The following RAB6B variants were observed in gnomAD, a reference collection of about 807,000 sequenced individuals.
RAB6B encodes ras-related protein Rab-6B.
A neutral mutation model predicts 31.2 loss-of-function variants in RAB6B; 7 were observed. The observed-to-expected ratio is 0.22, with a 90% CI of 0.13 to 0.42. RAB6B has a LOEUF of 0.42. Among genes scored for constraint, RAB6B ranks in the 10% least tolerant of loss-of-function variants. RAB6B has a pLI of 1.00. For synonymous variants in RAB6B, 105 were observed against 104.9 expected (o/e 1.00, Z -0.01); for missense variants, 149 against 280.6 (o/e 0.53, Z 3.35).
At chr3:133,883,351 C>T (rs1949881) in intron 1 of RAB6B, among the ~76,000 whole-genome samples, 53,443 of 152,092 alleles carry the variant, frequency 0.35, 9,696 homozygotes, top group African/African-American at 0.43. Flanking sequence ...TTGTCCTCCA[C>T]ACAAACACAG....
chr3:133,833,559 C>T (rs141535895), intron 7 of RAB6B, among the ~76,000 whole-genome samples: 14 of 152,292 alleles, frequency 9.2e-5, no homozygotes, highest in Non-Finnish European at 1.8e-4. Flanking sequence ...GTGTCCTGCC[C>T]GCCCTGCCCC....
At chr3:133,858,102 G>A (rs766159171) in intron 2 of RAB6B, among the ~76,000 whole-genome samples, 79 of 152,122 alleles carry the variant, frequency 5.2e-4, no homozygotes, top group Admixed American at 3.4e-3. Context: ...CCTCCATGGC[G>A]CACCCTTCCT....
chr3:133,868,277 A>G (rs1453972752), intron 1 of RAB6B, among the ~76,000 whole-genome samples: 1 of 152,178 alleles, frequency 6.6e-6, no homozygotes, highest in Non-Finnish European at 1.5e-5. Context: ...CTACCTGGCT[A>G]CTTTCTCAGT....
intron 7 of RAB6B, among the ~76,000 whole-genome samples, chr3:133,833,746 G>T (rs1418965664): frequency 6.6e-6 from 1 of 152,156 alleles, no homozygotes; most frequent in East Asian, 1.9e-4. Flanking sequence ...GTAGGGACAG[G>T]TCCACTGTAA....
Position 133,827,653 on chromosome 3 carries a change from C to T in RAB6B, c.*1135G>A. 1.8e-6 allele frequency: 1 copy of T among 546,034 alleles called. No individual in the cohort carries two copies. Among genetic ancestry groups the T allele is most frequent in the Admixed American group, 3.2e-5 (1 of 31,336 alleles). The allele number at this position is 546,034 out of a possible 1,614,324, so 33.8% of individuals were successfully genotyped here. On this transcript the variant is annotated 3_prime_UTR_variant, in exon 8 of 8. Coordinates refer to ENST00000285208, the MANE Select transcript of RAB6B (RefSeq NM_016577.4). ...CCATGCCACTGGGGTGAAAACATAG[C>T]AACAAATCAGCTTTTCCAGAAAGCA...
At chr3:133,841,720 A>G in intron 2 of RAB6B, 57 bp from the exon 3 acceptor site, 2 of 1,574,738 alleles carry the variant, frequency 1.3e-6, no homozygotes, top group Non-Finnish European at 1.7e-6. Context: ...AAAGGGGCAA[A>G]AGCCTAGCGA....
intron 2 of RAB6B, among the ~76,000 whole-genome samples, chr3:133,850,212 T>C (rs938991442): frequency 6.6e-6 from 1 of 152,174 alleles, no homozygotes; most frequent in Non-Finnish European, 1.5e-5. Context: ...AATTGAGAAT[T>C]TGGGTCCAGA....
chr3:133,848,333 T>C (rs951481310), intron 2 of RAB6B, among the ~76,000 whole-genome samples: 3 of 152,194 alleles, frequency 2.0e-5, no homozygotes, highest in Admixed American at 2.0e-4. Flanking sequence ...GCCCCCTTTT[T>C]CTCCATCCCC....
At position 133,834,704 on chromosome 3, in the gene RAB6B, C is replaced by CA. The variant is rs1434444524; in HGVS notation, c.496-64dup. ...TGGCCCTCCCCTCTGCTCCTCACTG[C>CA]ACCTGCACCCTCACCCCTCTTCCCC... On this transcript the variant is annotated intron_variant, in intron 6 of 7. Transcript: ENST00000285208. 10 of 1,445,832 alleles carry CA rather than the reference C, an allele frequency of 6.9e-6. No individual in the cohort carries two copies. The African/African-American group carries it at 1.4e-4, about 20-fold the overall frequency. 89.6% of individuals were successfully genotyped at this position (1,445,832 alleles called of 1,614,324 possible). A position where few individuals can be genotyped will look rare whatever the true frequency, so the allele number is the denominator to read the frequency against.
intron 2 of RAB6B, among the ~76,000 whole-genome samples, chr3:133,852,441 G>C (rs1936000465): frequency 6.6e-6 from 1 of 151,550 alleles, no homozygotes; most frequent in South Asian, 2.1e-4. Context: ...CTCTTTGTAA[G>C]CTGGGGCAGA....
chr3:133,862,258 C>A (rs1181773853), intron 2 of RAB6B, among the ~76,000 whole-genome samples: 1 of 152,196 alleles, frequency 6.6e-6, no homozygotes, highest in Non-Finnish European at 1.5e-5. Context: ...GCCAACTCTC[C>A]ATGCTGTTTT....
intron 3 of RAB6B, 72 bp from the exon 4 acceptor site, chr3:133,841,462 T>C: frequency 6.4e-7 from 1 of 1,556,412 alleles, no homozygotes; most frequent in African/African-American, 1.4e-5. Flanking sequence ...TCCGGGGGAC[T>C]GGGAGAGCCG....
chr3:133,879,650 C>T (rs141052507), intron 1 of RAB6B, among the ~76,000 whole-genome samples: 2 of 152,344 alleles, frequency 1.3e-5, no homozygotes, highest in African/African-American at 4.8e-5. Context: ...CAGTCAAGGG[C>T]AATACCTTCA....
intron 6 of RAB6B, among the ~76,000 whole-genome samples, chr3:133,835,002 G>T (rs1375734664): frequency 6.6e-6 from 1 of 152,214 alleles, no homozygotes; most frequent in African/African-American, 2.4e-5. Flanking sequence ...CCTTAAGGTG[G>T]GCTTCTGCAA....
chr3:133,848,575 T>C (rs1437796765), intron 2 of RAB6B, among the ~76,000 whole-genome samples: 1 of 152,136 alleles, frequency 6.6e-6, no homozygotes, highest in East Asian at 1.9e-4. Flanking sequence ...GGCACTGGTG[T>C]CTGGGGAGGG....
intron 2 of RAB6B, among the ~76,000 whole-genome samples, chr3:133,846,517 T>C (rs367905660): frequency 2.0e-5 from 3 of 152,216 alleles, no homozygotes; most frequent in East Asian, 1.9e-4. Context: ...GCAAAAAACA[T>C]CTTGAGAATA....
At position 133,825,552 on chromosome 3, in the gene RAB6B, A is replaced by G. The variant is rs1405313236; in HGVS notation, c.*3236T>C. On this transcript the variant is annotated 3_prime_UTR_variant, in exon 8 of 8. Transcript: ENST00000285208. ...AAGCCAACTAGCCTTGGATCACACA[A>G]CTGCAGCCATGGTGCTCATGATTCT... 1 of 152,122 alleles carries G rather than the reference A, an allele frequency of 6.6e-6. No individual in the cohort carries two copies. Among genetic ancestry groups the G allele is most frequent in the Non-Finnish European group, 1.5e-5 (1 of 68,018 alleles). The allele number at this position is 152,122 out of a possible 1,614,324, so 9.4% of individuals were successfully genotyped here. A position where few individuals can be genotyped will look rare whatever the true frequency, so the allele number is the denominator to read the frequency against.
chr3:133,887,429 G>A (rs2108015649), intron 1 of RAB6B, among the ~76,000 whole-genome samples: 1 of 152,310 alleles, frequency 6.6e-6, no homozygotes, highest in East Asian at 1.9e-4. Flanking sequence ...CCTGCATGTG[G>A]GACCCAGGAC....
At chr3:133,884,232 G>A (rs1473311532) in intron 1 of RAB6B, among the ~76,000 whole-genome samples, 1 of 152,258 alleles carries the variant, frequency 6.6e-6, no homozygotes, top group African/African-American at 2.4e-5. Context: ...GAACAGGAAG[G>A]GCAGGGAGCA....
Sources: gnomAD v4.1 joint callset for allele counts (sites outside exome capture counted in the v4.1 genomes callset) on GRCh38, gnomAD v4.1.1 for gene constraint, MANE v1.5 for transcripts, NCBI Gene and HGNC (gene_info 2026-07-23, HGNC 2026-07-21) for gene names.